Variants in KCND2 observed in about 807,000 individuals in gnomAD.
The protein encoded by KCND2 is A-type voltage-gated potassium channel KCND2.
Under a neutral mutation model 54.4 loss-of-function variants are expected in KCND2, and 16 were observed. The observed-to-expected ratio is 0.29, with a 90% CI of 0.20 to 0.45. The LOEUF (loss-of-function observed/expected upper bound fraction) is 0.45, where lower values mean the gene tolerates loss of function less well. Ranked by LOEUF, KCND2 falls within the 20% of genes least tolerant of loss-of-function variation. KCND2 has a pLI of 1.00. For missense variants in KCND2, 486 were observed against 824.2 expected, an observed-to-expected ratio of 0.59 and a Z score of 5.02; for synonymous variants, 317 against 310.7, an observed-to-expected ratio of 1.02 and a Z score of -0.21.
chr7:120,468,651 C>T (rs1257808868), intron 1 of KCND2, among the ~76,000 whole-genome samples: 1 of 152,108 alleles, frequency 6.6e-6, no homozygotes, highest in Non-Finnish European at 1.5e-5. Context: ...ATAGCAACAA[C>T]AAGCCTATCT....
In KCND2 at chr7:120,603,904, T is replaced by A. The variant is rs544920021; in HGVS notation, c.1116-128999T>A. Among the ~76,000 whole-genome samples, 93 of 152,280 alleles carry A rather than the reference T, an allele frequency of 6.1e-4. 4 individuals carry two copies. The South Asian group carries it at 0.019, about 32-fold the overall frequency. On this transcript the variant is annotated intron_variant, in intron 1 of 5. Coordinates refer to ENST00000331113, the MANE Select transcript of KCND2 (RefSeq NM_012281.3). The stretch of plus-strand genomic sequence containing the variant: ...CTTCTTAAGATCTGACTACTTTTTT[T>A]AAATAGTGAAAAGTTGGTATGATAT...
At chr7:120,676,376 C>T (rs959800248) in intron 1 of KCND2, among the ~76,000 whole-genome samples, 2 of 151,984 alleles carry the variant, frequency 1.3e-5, no homozygotes, top group Non-Finnish European at 2.9e-5. Context: ...TGTTTAGTTG[C>T]AGTTTAGACA....
chr7:120,678,640 A>T (rs1792099927), intron 1 of KCND2, among the ~76,000 whole-genome samples: 1 of 147,440 alleles, frequency 6.8e-6, no homozygotes, highest in South Asian at 2.1e-4. Context: ...TTCATTACAC[A>T]CACATATATA....
chr7:120,555,634 GC>G (rs1792154930), intron 1 of KCND2, among the ~76,000 whole-genome samples: 1 of 152,172 alleles, frequency 6.6e-6, no homozygotes. Context: ...GAGTGTAAAA[GC>G]AGACTTTATG....
chr7:120,585,976 T>A lies in KCND2; in HGVS notation c.1116-146927T>A, dbSNP rs117951371. ...GAAGATTGATCCTTCAGCAGTCATA[T>A]GGCTCAGTCCAGCTCAGTCAGTAAA... On this transcript the variant is annotated intron_variant, in intron 1 of 5. Coordinates refer to ENST00000331113, the MANE Select transcript of KCND2 (RefSeq NM_012281.3). Among the ~76,000 whole-genome samples, 96 of 152,306 alleles carry A rather than the reference T, an allele frequency of 6.3e-4. 1 individual carries two copies. The East Asian group carries it at 0.017, about 26-fold the overall frequency.
intron 1 of KCND2, among the ~76,000 whole-genome samples, chr7:120,542,893 C>G (rs1791996226): frequency 6.6e-6 from 1 of 152,124 alleles, no homozygotes. Context: ...TCTGTGATAG[C>G]AGTCCAGCGA....
intron 1 of KCND2, among the ~76,000 whole-genome samples, chr7:120,420,915 C>G (rs984307657): frequency 1.3e-5 from 2 of 151,998 alleles, no homozygotes; most frequent in African/African-American, 2.4e-5. Context: ...TCGGCAGAGA[C>G]TTGTAAGAGA....
chr7:120,275,818 C>A, intron 1 of KCND2, 71 bp downstream of exon 1: 1 of 1,485,674 alleles, frequency 6.7e-7, no homozygotes, highest in Non-Finnish European at 9.3e-7. Flanking sequence ...ATCGAGGTTA[C>A]ATGGTAACTC....
rs994122605 is a variant in KCND2, at chr7:120,719,583, CTCCTT to C, written c.1116-13318_1116-13314del. On this transcript the variant is annotated intron_variant, in intron 1 of 5. Transcript: ENST00000331113. ...AAACCTTCATCTGCAATCTTATAAT[CTCCTT>C]TAAACACAAGAATATTTTTCTTTAT... is the stretch of plus-strand genomic sequence containing the variant. Among the ~76,000 whole-genome samples the C allele has an allele frequency of 2.9e-4, 44 of 152,144 alleles. 1 individual carries two copies. Among genetic ancestry groups the C allele is most frequent in the African/African-American group, 1.0e-3 (42 of 41,520 alleles).
At chr7:120,639,499 C>T (rs1056995379) in intron 1 of KCND2, among the ~76,000 whole-genome samples, 1 of 152,126 alleles carries the variant, frequency 6.6e-6, no homozygotes, top group Admixed American at 6.6e-5. Flanking sequence ...CAACTCCACC[C>T]CCTGGGAAAA....
intron 1 of KCND2, among the ~76,000 whole-genome samples, chr7:120,612,677 C>T (rs1004400074): frequency 7.2e-5 from 11 of 152,292 alleles, no homozygotes; most frequent in African/African-American, 2.6e-4. Context: ...AAAGAACGTG[C>T]CTTTCAGTCA....
At chr7:120,677,888 CT>C (rs1363055536) in intron 1 of KCND2, among the ~76,000 whole-genome samples, 1 of 151,772 alleles carries the variant, frequency 6.6e-6, no homozygotes, top group Non-Finnish European at 1.5e-5. Flanking sequence ...AAGCTTATTT[CT>C]AGGTCAGTAA....
chr7:120,548,373 C>T (rs913740885), intron 1 of KCND2, among the ~76,000 whole-genome samples: 1 of 152,080 alleles, frequency 6.6e-6, no homozygotes, highest in Non-Finnish European at 1.5e-5. Flanking sequence ...TTTCCTTCAT[C>T]GGCTACTAGG....
chr7:120,366,419 C>T (rs1443084795), intron 1 of KCND2, among the ~76,000 whole-genome samples: 2 of 138,006 alleles, frequency 1.4e-5, no homozygotes, highest in South Asian at 2.6e-4. Flanking sequence ...ACCTGGGAGG[C>T]GGAGGTTGCA....
chr7:120,300,795 G>T (rs1032724448), intron 1 of KCND2, among the ~76,000 whole-genome samples: 3 of 151,942 alleles, frequency 2.0e-5, no homozygotes, highest in Non-Finnish European at 4.4e-5. Flanking sequence ...GACACACTAG[G>T]CACAGTGTCT....
intron 1 of KCND2, among the ~76,000 whole-genome samples, chr7:120,339,098 G>C (rs967462791): frequency 6.7e-6 from 1 of 149,112 alleles, no homozygotes; most frequent in African/African-American, 2.5e-5. Flanking sequence ...GCTTCACCGT[G>C]TTAGCTAGGA....
At chr7:120,286,851 A>G (rs1449276452) in intron 1 of KCND2, among the ~76,000 whole-genome samples, 1 of 152,050 alleles carries the variant, frequency 6.6e-6, no homozygotes, top group Non-Finnish European at 1.5e-5. Flanking sequence ...GCAACAGTTT[A>G]TTGTCGAATA....
chr7:120,735,770 G>GA (rs1244580965), intron 2 of KCND2, among the ~76,000 whole-genome samples: 2 of 152,080 alleles, frequency 1.3e-5, no homozygotes, highest in Admixed American at 1.3e-4. Context: ...TTTTACTACT[G>GA]AAAAAATTGG....
chr7:120,564,414 AG>A (rs1459803930), intron 1 of KCND2, among the ~76,000 whole-genome samples: 2 of 152,200 alleles, frequency 1.3e-5, no homozygotes, highest in Non-Finnish European at 2.9e-5. Context: ...ATTACTGACT[AG>A]TTACTAAGAG....
Sources: gnomAD v4.1 joint callset for allele counts (sites outside exome capture counted in the v4.1 genomes callset) on GRCh38, gnomAD v4.1.1 for gene constraint, MANE v1.5 for transcripts, NCBI Gene and HGNC (gene_info 2026-07-23, HGNC 2026-07-21) for gene names.